DST: variants seen among roughly 807,000 people sequenced by gnomAD.
DST encodes the protein bullous pemphigoid antigen.
Under a neutral mutation model 875.2 loss-of-function variants are expected in DST, and 253 were observed. The observed-to-expected ratio is 0.29, with a 90% CI of 0.26 to 0.32. The LOEUF is 0.32. Ranked by LOEUF, DST falls within the 10% of genes least tolerant of loss-of-function variation. The pLI, the probability that DST is intolerant of heterozygous loss-of-function variation, is 1.00. For synonymous variants in DST, 3,124 were observed against 3,197.1 expected (o/e 0.98, Z 0.77); for missense variants, 8,287 against 9,111.6 (o/e 0.91, Z 3.68).
At chr6:56,667,828 T>TACACAC (rs36046330) in intron 10 of DST, among the ~76,000 whole-genome samples, 3,058 of 149,858 alleles carry the variant, frequency 0.02, 105 homozygotes, top group African/African-American at 0.069. Flanking sequence ...TATATATATA[T>TACACAC]ACACACACAC....
chr6:56,889,504 G>A (rs1786285222), intron 3 of DST, among the ~76,000 whole-genome samples: 1 of 152,176 alleles, frequency 6.6e-6, no homozygotes, highest in African/African-American at 2.4e-5. Context: ...TTTGCCAGCA[G>A]GGAGAACAAG....
At chr6:56,720,395 C>T (rs951421925) in intron 5 of DST, among the ~76,000 whole-genome samples, 10 of 130,584 alleles carry the variant, frequency 7.7e-5, no homozygotes, top group African/African-American at 3.0e-4. Context: ...TTGGGTGTTT[C>T]TCGGAGAGAG....
Position 56,606,596 on chromosome 6 carries a change from T to C in DST, c.8032A>G (p.Ser2678Gly). The change falls in exon 40 of 104, where the codon AGC becomes GGC. Residue 2678 changes from serine to glycine, a missense_variant. By Grantham distance (56) the Ser-to-Gly change is moderately conservative. This residue lies in a region of DST where 3,138 missense variants were observed against 3,116.6 expected (regional missense o/e 1.01). Coordinates refer to ENST00000680361, the MANE Select transcript of DST (RefSeq NM_001374736.1). ...SMVPQGAPVGSLSVKNKAHCL... is the reference protein window; with the variant it reads ...SMVPQGAPVGGLSVKNKAHCL... ...TGTGCTTTGTTCTTCACACTTAAGC[T>C]ACCAACTGGTGCCCCCTGGGGAACC... The C allele has an allele frequency of 6.2e-7, 1 of 1,613,586 alleles. No homozygotes were observed.
intron 15 of DST, among the ~76,000 whole-genome samples, chr6:56,645,512 T>C (rs1403562933): frequency 6.6e-6 from 1 of 152,110 alleles, no homozygotes; most frequent in Non-Finnish European, 1.5e-5. Context: ...AGCAAAAAAA[T>C]GTAATAAGAA....
chr6:56,477,267 T>C, intron 91 of DST, 78 bp downstream of exon 91: 2 of 1,483,028 alleles, frequency 1.3e-6, no homozygotes, highest in Non-Finnish European at 1.8e-6. Context: ...CATAAGTGCA[T>C]CTTAATTCCT....
intron 4 of DST, among the ~76,000 whole-genome samples, chr6:56,835,161 C>T (rs181371570): frequency 6.6e-6 from 1 of 152,196 alleles, no homozygotes; most frequent in African/African-American, 2.4e-5. Context: ...GAGAGCAAAA[C>T]GATCAGTGGT....
At chr6:56,530,208 T>C in intron 64 of DST, 75 bp from the exon 65 acceptor site, 1 of 1,162,810 alleles carries the variant, frequency 8.6e-7, no homozygotes, top group Non-Finnish European at 1.2e-6. Flanking sequence ...AGTCATGCTC[T>C]TGCAATCTAT....
At chr6:56,681,743 T>TCCAATGGAC (rs1476510841) in intron 9 of DST, among the ~76,000 whole-genome samples, 1 of 152,206 alleles carries the variant, frequency 6.6e-6, no homozygotes, top group Non-Finnish European at 1.5e-5. Context: ...TCAGTAAATA[T>TCCAATGGAC]CCAATGGACA....
At position 56,609,076 on chromosome 6, in the gene DST, G is replaced by A. The variant is rs1418530610; in HGVS notation, c.5552C>T (p.Thr1851Ile). Residue 1851 changes from threonine (T) to isoleucine (I), a missense_variant, in exon 40 of 104, where the codon ACC (threonine) becomes ATC (isoleucine). By Grantham distance (89) the Thr-to-Ile change is moderately conservative. This residue lies in a region of DST where 3,138 missense variants were observed against 3,116.6 expected (regional missense o/e 1.01). Coordinates refer to ENST00000680361, the MANE Select transcript of DST (RefSeq NM_001374736.1). ...AKEIISAASPTTIPVLDALAQ... is the reference protein window; with the variant it reads ...AKEIISAASPITIPVLDALAQ... ...TAGAGCATCCAGTACTGGAATTGTG[G>A]TAGGTGACGCAGCAGAAATAATCTC... 2 of 1,613,850 alleles carry A rather than the reference G, an allele frequency of 1.2e-6. No homozygotes were observed. The highest frequency in any genetic ancestry group is 1.7e-6 in the Non-Finnish European group (2 of 1,179,798).
intron 1 of DST, among the ~76,000 whole-genome samples, 162 bp downstream of exon 1, chr6:56,954,245 G>A (rs1416255420): frequency 1.3e-5 from 2 of 152,108 alleles, no homozygotes; most frequent in African/African-American, 4.8e-5. Context: ...CGGAGGTGAC[G>A]GCAAAAAGGG....
chr6:56,694,672 T>C (rs774013893), intron 9 of DST, among the ~76,000 whole-genome samples: 8 of 152,082 alleles, frequency 5.3e-5, no homozygotes, highest in Non-Finnish European at 1.0e-4. Flanking sequence ...CCATCTCTGC[T>C]GATGAAGTTT....
intron 2 of DST, among the ~76,000 whole-genome samples, chr6:56,932,797 G>A (rs1448925296): frequency 2.6e-5 from 4 of 151,510 alleles, no homozygotes; most frequent in Non-Finnish European, 5.9e-5. Flanking sequence ...ATGGAGCAGG[G>A]ACACTTCTTA....
At position 56,631,340 on chromosome 6, in the gene DST, G is replaced by T; in HGVS notation, c.4013C>A (p.Thr1338Lys). ...ERLKDDLGTI[T>K]NKCEEFFSQA... The stretch of plus-strand genomic sequence containing the variant: ...ACTGAAAAACTCCTCACACTTATTT[G>T]TGATTGTTCCCAAATCATCTTTAAG... The change falls in exon 30 of 104, where the codon ACA becomes AAA. Residue 1338 changes from threonine to lysine, a missense_variant. By Grantham distance (78) the Thr-to-Lys change is moderately conservative. Around this residue, in one of 10 missense-constraint regions of DST, gnomAD observed 3,138 missense variants for 3,116.6 expected, o/e 1.01. Transcript: ENST00000680361. 2 of 1,613,952 alleles carry T rather than the reference G, an allele frequency of 1.2e-6. No homozygotes were observed. The highest frequency in any genetic ancestry group is 1.7e-6 in the Non-Finnish European group (2 of 1,179,936).
rs1225236902 is a variant in DST at position 56,603,552 on chromosome 6, G to A, written c.10941+12C>T. 1.4e-5 allele frequency: 23 copies of A among 1,602,248 alleles called. No homozygotes were observed. Among genetic ancestry groups the A allele is most frequent in the East Asian group, 2.2e-5 (1 of 44,850 alleles). ...GACTACCATCCATAAAGAGGCAGTA[G>A]ACAATTCTTACCTCCAACTGTCTAA... On this transcript the variant is annotated intron_variant, in intron 41 of 103. Coordinates refer to ENST00000680361, the MANE Select transcript of DST (RefSeq NM_001374736.1).
At chr6:56,916,987 TAAAAAAAAAAAAAAAAA>T (rs1161421788) in intron 2 of DST, among the ~76,000 whole-genome samples, 2 of 35,560 alleles carry the variant, frequency 5.6e-5, no homozygotes, top group Non-Finnish European at 1.0e-4. Flanking sequence ...CCAGGCATGC[TAAAAAAAAAAAAAAAAA>T]AAAAAAAAAA....
At chr6:56,927,452 A>C (rs1236425976) in intron 2 of DST, among the ~76,000 whole-genome samples, 1 of 152,212 alleles carries the variant, frequency 6.6e-6, no homozygotes, top group Non-Finnish European at 1.5e-5. Context: ...ATTTCCCTGA[A>C]AGAGAAAAAT....
rs59001581 is a variant in DST, at chr6:56,940,191, TACACACACACACAC to T, written c.216+13580_216+13593del. Among the ~76,000 whole-genome samples, 390 of 142,300 alleles carry T rather than the reference TACACACACACACAC, an allele frequency of 2.7e-3. 3 individuals carry two copies. In the East Asian group the frequency reaches 0.041, roughly 15 times the overall value. The allele number at this position is 142,300 out of a possible 152,430, so 93.4% of individuals were successfully genotyped here. ...TAAAATAAATTCCACATTACCCCCA[TACACACACACACAC>T]ACACACACACACACACACACACACA... On this transcript the variant is annotated intron_variant, in intron 2 of 103. Coordinates refer to ENST00000680361, the MANE Select transcript of DST (RefSeq NM_001374736.1).
At position 56,604,067 on chromosome 6, in the gene DST, T is replaced by A. The variant is rs760917405; in HGVS notation, c.10561A>T (p.Met3521Leu). The A allele has an allele frequency of 6.3e-7, 1 of 1,583,792 alleles. No individual in the cohort carries two copies. The highest frequency in any genetic ancestry group is 1.1e-5 in the South Asian group (1 of 87,662). Residue 3521 changes from methionine to leucine, a missense_variant, in exon 40 of 104, where the codon ATG (methionine) becomes TTG (leucine). Physicochemically the swap from Met to Leu is conservative, Grantham distance 15. Around this residue, in one of 10 missense-constraint regions of DST, gnomAD observed 3,138 missense variants for 3,116.6 expected, o/e 1.01. Transcript: ENST00000680361. ...AGAATATGTGGCTTTTCTTCCATCA[T>A]CTCAGATGTAGAACATGCTTTTTGA... ...FNQKACSTSE[M>L]MEEKPHILGD...
chr6:56,836,474 G>T (rs994082155), intron 4 of DST, among the ~76,000 whole-genome samples: 5 of 152,130 alleles, frequency 3.3e-5, no homozygotes, highest in African/African-American at 1.2e-4. Context: ...GGGTAGCCGA[G>T]AACTTAAATG....
Sources: gnomAD v4.1 joint callset for allele counts (sites outside exome capture counted in the v4.1 genomes callset) on GRCh38, gnomAD v4.1.1 for gene constraint, gnomAD v4.1.1 regional missense constraint, MANE v1.5 for transcripts, NCBI Gene and HGNC (gene_info 2026-07-23, HGNC 2026-07-21) for gene names.